PPM1H: variants seen among roughly 807,000 people sequenced by gnomAD.
PPM1H encodes protein phosphatase, Mg2+/Mn2+ dependent 1H.
In PPM1H, 27 loss-of-function variants were observed where a neutral mutation model predicts 54.9. The observed-to-expected ratio is 0.49, with a 90% CI of 0.36 to 0.68. PPM1H has a LOEUF of 0.68. Among genes scored for constraint, PPM1H ranks in the 30% least tolerant of loss-of-function variants. The pLI is 0.00. For synonymous variants in PPM1H, 305 were observed against 270.8 expected (o/e 1.13, Z -1.24); for missense variants, 596 against 667.8 (o/e 0.89, Z 1.19).
At chr12:62,684,837 A>G (rs1190896573) in intron 8 of PPM1H, among the ~76,000 whole-genome samples, 1 of 152,112 alleles carries the variant, frequency 6.6e-6, no homozygotes, top group African/African-American at 2.4e-5. Context: ...CGAGCTTTCT[A>G]GGCTCCCAAC....
intron 2 of PPM1H, among the ~76,000 whole-genome samples, chr12:62,808,765 G>A (rs181509984): frequency 7.2e-5 from 11 of 152,152 alleles, no homozygotes; most frequent in African/African-American, 2.7e-4. Context: ...TCTGGACAGC[G>A]GCCTTGAGGG....
chr12:62,842,136 G>A (rs979783438), intron 1 of PPM1H, among the ~76,000 whole-genome samples: 2 of 152,190 alleles, frequency 1.3e-5, no homozygotes, highest in Non-Finnish European at 2.9e-5. Flanking sequence ...AAATAAGATT[G>A]AAGTGTTGAA....
intron 7 of PPM1H, among the ~76,000 whole-genome samples, chr12:62,691,839 C>A (rs1206540345): frequency 6.7e-6 from 1 of 149,438 alleles, no homozygotes; most frequent in Non-Finnish European, 1.5e-5. Context: ...TGATGCAAAG[C>A]AAAGCCTGGG....
intron 5 of PPM1H, among the ~76,000 whole-genome samples, chr12:62,732,173 C>T (rs1312419108): frequency 6.6e-6 from 1 of 152,216 alleles, no homozygotes; most frequent in Non-Finnish European, 1.5e-5. Flanking sequence ...CCTCATCACA[C>T]ACCTGCCACA....
chr12:62,897,309 CAAAT>C (rs1456438228), intron 1 of PPM1H, among the ~76,000 whole-genome samples: 1 of 151,946 alleles, frequency 6.6e-6, no homozygotes, highest in Non-Finnish European at 1.5e-5. Context: ...TTATAAAAAT[CAAAT>C]AAAATAAAAC....
intron 8 of PPM1H, among the ~76,000 whole-genome samples, chr12:62,674,499 T>C (rs893714804): frequency 3.3e-5 from 5 of 152,030 alleles, no homozygotes; most frequent in African/African-American, 1.2e-4. Context: ...ATAAACCAAG[T>C]AGATCATTTC....
At chr12:62,853,626 G>A (rs190275548) in intron 1 of PPM1H, among the ~76,000 whole-genome samples, 9 of 152,186 alleles carry the variant, frequency 5.9e-5, no homozygotes, top group East Asian at 3.9e-4. Flanking sequence ...GCAACTTTCC[G>A]TCATCCAAAG....
In PPM1H at chr12:62,934,563, G is replaced by A. The variant is rs1337821639; in HGVS notation, c.174C>T (p.Ala58=). 1 of 1,554,314 alleles carries A rather than the reference G, an allele frequency of 6.4e-7. No homozygotes were observed. The highest frequency in any genetic ancestry group is 8.7e-7 in the Non-Finnish European group (1 of 1,149,958). The change falls in exon 1 of 10, where the codon GCC becomes GCT. Residue 58 remains alanine (A), a synonymous_variant. Transcript: ENST00000228705. The surrounding 1 kb of genome is among the most constrained non-coding windows in gnomAD (Gnocchi z 4.2). ...GLSQDEVECS[A]DHIARPILIL... ...TGAGGATGGGGCGGGCGATGTGGTC[G>A]GCGCTGCACTCCACCTCGTCCTGAG...
intron 4 of PPM1H, among the ~76,000 whole-genome samples, chr12:62,762,981 A>ATT (rs56064801): frequency 1.1e-4 from 17 of 151,296 alleles, no homozygotes; most frequent in East Asian, 3.9e-4. Context: ...GAAAGAAACT[A>ATT]TTTTTTTTTC....
At chr12:62,781,081 C>T (rs959794370) in intron 4 of PPM1H, among the ~76,000 whole-genome samples, 11 of 152,118 alleles carry the variant, frequency 7.2e-5, no homozygotes, top group Non-Finnish European at 1.3e-4. Context: ...CAATGACAGA[C>T]GAAAAGTCCG....
At chr12:62,825,140 C>G (rs1868275165) in intron 2 of PPM1H, among the ~76,000 whole-genome samples, 1 of 152,072 alleles carries the variant, frequency 6.6e-6, no homozygotes, top group African/African-American at 2.4e-5. Context: ...TGAAAAAAAT[C>G]CTCATCATCA....
intron 2 of PPM1H, among the ~76,000 whole-genome samples, chr12:62,830,006 A>T (rs992868746): frequency 6.6e-6 from 1 of 152,156 alleles, no homozygotes; most frequent in African/African-American, 2.4e-5. Context: ...CCTCAAAACA[A>T]TCCTGTCGAG....
chr12:62,898,633 T>C (rs1871068326), intron 1 of PPM1H, among the ~76,000 whole-genome samples: 1 of 152,272 alleles, frequency 6.6e-6, no homozygotes, highest in South Asian at 2.1e-4. Flanking sequence ...AATACACAGA[T>C]TTTTTCCAAA....
chr12:62,838,337 G>GTGT (rs1868573097), intron 1 of PPM1H, among the ~76,000 whole-genome samples: 1 of 105,140 alleles, frequency 9.5e-6, no homozygotes, highest in Middle Eastern at 4.9e-3. Context: ...GTGTGTGTGT[G>GTGT]TGGGGGGGGG....
chr12:62,727,207 T>G (rs138150446), intron 5 of PPM1H, among the ~76,000 whole-genome samples: 1 of 152,092 alleles, frequency 6.6e-6, no homozygotes, highest in East Asian at 1.9e-4. Context: ...TGCCCGGCCA[T>G]GTGTCCATCA....
intron 8 of PPM1H, among the ~76,000 whole-genome samples, chr12:62,686,481 G>A (rs376452567): frequency 1.3e-5 from 2 of 152,172 alleles, no homozygotes; most frequent in Admixed American, 6.5e-5. Flanking sequence ...AAGTCCACGA[G>A]TCCAGTTACA....
chr12:62,732,481 G>A (rs1203672909), intron 5 of PPM1H, among the ~76,000 whole-genome samples: 1 of 152,104 alleles, frequency 6.6e-6, no homozygotes, highest in Non-Finnish European at 1.5e-5. Context: ...AGCAAGAAAA[G>A]CATTTACCAT....
chr12:62,858,308 T>A (rs994075386), intron 1 of PPM1H, among the ~76,000 whole-genome samples: 5 of 152,254 alleles, frequency 3.3e-5, no homozygotes, highest in East Asian at 1.9e-4. Context: ...GGGGTACAAA[T>A]AATTATATTA....
chr12:62,822,701 C>A (rs2076911620), intron 2 of PPM1H, among the ~76,000 whole-genome samples: 1 of 152,054 alleles, frequency 6.6e-6, no homozygotes, highest in African/African-American at 2.4e-5. Context: ...CCAACGAGAA[C>A]AAAGACACAA....
Sources: allele counts gnomAD v4.1 joint callset (sites outside exome capture counted in the v4.1 genomes callset), GRCh38; gene constraint gnomAD v4.1.1; non-coding constraint Gnocchi (gnomAD v3.1); transcripts MANE v1.5; gene names NCBI Gene and HGNC (gene_info 2026-07-23, HGNC 2026-07-21).